The following TENM2 variants were observed in gnomAD, a reference collection of about 807,000 sequenced individuals.
The protein encoded by TENM2 is teneurin transmembrane protein 2, also known as teneurin-2.
In TENM2, 52 loss-of-function variants were observed where a neutral mutation model predicts 245.2. That is an observed-to-expected ratio of 0.21 (90% CI 0.17 to 0.27). The LOEUF is 0.27. Ranked by LOEUF, TENM2 falls within the 10% of genes least tolerant of loss-of-function variation. The probability of loss-of-function intolerance (pLI) is 1.00; values close to 1 mark genes in which losing one functional copy is unlikely to be tolerated. For missense variants in TENM2, 3,046 were observed against 3,666.8 expected (o/e 0.83, Z 4.37); for synonymous variants, 1,363 against 1,438.9 (o/e 0.95, Z 1.19).
At chr5:167,374,776 C>T in intron 1 of TENM2, among the ~76,000 whole-genome samples, 1 of 151,966 alleles carries the variant, frequency 6.6e-6, no homozygotes, top group East Asian at 1.9e-4. Flanking sequence ...GTTTCCTCAT[C>T]TACAAAAGGA....
At position 167,350,900 on chromosome 5, in the gene TENM2, T is replaced by C. The variant is rs550759652; in HGVS notation, c.227-24298T>C. Among the ~76,000 whole-genome samples the C allele has an allele frequency of 6.0e-5, 5 of 83,702 alleles. 2 individuals are homozygous for C. The highest frequency in any genetic ancestry group is 1.9e-4 in the African/African-American group (5 of 26,516). 54.9% of individuals were successfully genotyped at this position (83,702 alleles called of 152,430 possible). On this transcript the variant is annotated intron_variant, in intron 1 of 28. Coordinates refer to ENST00000518659, the Ensembl canonical transcript of TENM2. The stretch of plus-strand genomic sequence containing the variant: ...TATATATATATGGGATGTATACATA[T>C]GGATATATATATGGGATATATACAT...
intron 24 of TENM2, 89 bp from the exon 27 acceptor site, chr5:168,227,806 A>G: frequency 1.2e-6 from 1 of 853,040 alleles, no homozygotes; most frequent in South Asian, 2.0e-5. Context: ...ATGGAAACCT[A>G]TTAAAAAAAA....
intron 2 of TENM2, among the ~76,000 whole-genome samples, chr5:167,655,225 C>G (rs1311262749): frequency 2.0e-5 from 3 of 152,056 alleles, no homozygotes; most frequent in Admixed American, 6.6e-5. Context: ...AGACAGGAAG[C>G]AAGACAGCTC....
chr5:168,103,634 C>T (rs1180453834), intron 9 of TENM2, among the ~76,000 whole-genome samples: 1 of 152,174 alleles, frequency 6.6e-6, no homozygotes, highest in African/African-American at 2.4e-5. Flanking sequence ...ATGCCCTCCT[C>T]AGTGCATTAC....
At chr5:167,901,326 T>C (rs1775689542) in intron 3 of TENM2, among the ~76,000 whole-genome samples, 1 of 152,220 alleles carries the variant, frequency 6.6e-6, no homozygotes, top group African/African-American at 2.4e-5. Flanking sequence ...TATTTATGAT[T>C]TGTGGTATAG....
At chr5:166,992,196 A>T in the TENM2 span, among the ~76,000 whole-genome samples, 1 of 152,300 alleles carries the variant, frequency 6.6e-6, no homozygotes, top group South Asian at 2.1e-4. Flanking sequence ...ACCTCAATTC[A>T]CAAGAGAGAC....
the TENM2 span, among the ~76,000 whole-genome samples, chr5:167,151,224 T>C: frequency 5.6e-3 from 853 of 152,242 alleles, 16 homozygotes; most frequent in Non-Finnish European, 4.6e-3. Flanking sequence ...GGAAAAACAG[T>C]GGAATTGATG....
At chr5:167,744,151 T>C (rs1761396734) in intron 2 of TENM2, among the ~76,000 whole-genome samples, 1 of 152,178 alleles carries the variant, frequency 6.6e-6, no homozygotes, top group Admixed American at 6.5e-5. Flanking sequence ...AAATTCATGG[T>C]GATTATCCTG....
At chr5:167,157,145 A>G in the TENM2 span, among the ~76,000 whole-genome samples, 1 of 152,168 alleles carries the variant, frequency 6.6e-6, no homozygotes, top group Non-Finnish European at 1.5e-5. Context: ...AAAATATCTT[A>G]TATAGTAGCC....
intron 2 of TENM2, among the ~76,000 whole-genome samples, chr5:167,452,931 T>TTTTATATATATA (rs1264260420): frequency 1.4e-3 from 7 of 4,880 alleles, no homozygotes; most frequent in African/African-American, 1.8e-3. Flanking sequence ...AAAGTATGAT[T>TTTTATATATATA]TATATATATA....
chr5:168,231,936 A>C (rs1764960835), intron 25 of TENM2, among the ~76,000 whole-genome samples: 1 of 151,826 alleles, frequency 6.6e-6, no homozygotes, highest in African/African-American at 2.4e-5. Flanking sequence ...TCATGGTGGC[A>C]CATGCCTGTA....
At chr5:168,226,214 T>G (rs761436044) in exon 24 of TENM2, 1 of 1,613,426 alleles carries the variant, frequency 6.2e-7, no homozygotes, top group Non-Finnish European at 8.5e-7. Context: ...ATGACGTCAC[T>G]GTCATCACCA....
chr5:167,399,151 G>A (rs1762234040), intron 2 of TENM2, among the ~76,000 whole-genome samples: 1 of 152,146 alleles, frequency 6.6e-6, no homozygotes, highest in African/African-American at 2.4e-5. Flanking sequence ...ATTCTAGAAG[G>A]TGATTTCATT....
chr5:167,486,746 C>T (rs1768100069), intron 2 of TENM2, among the ~76,000 whole-genome samples: 2 of 152,122 alleles, frequency 1.3e-5, no homozygotes, highest in East Asian at 1.9e-4. Context: ...TACTCAACTA[C>T]TGCATGGCAT....
the TENM2 span, among the ~76,000 whole-genome samples, chr5:167,084,870 GA>G: frequency 3.3e-5 from 5 of 152,016 alleles, no homozygotes; most frequent in Admixed American, 2.0e-4. Context: ...ATACTCCAGG[GA>G]AAAAAATACT....
intron 12 of TENM2, among the ~76,000 whole-genome samples, chr5:168,150,253 A>G (rs193053691): frequency 1.3e-5 from 2 of 152,260 alleles, no homozygotes; most frequent in Non-Finnish European, 1.5e-5. Context: ...AATGAATGAA[A>G]GAATAAACTC....
the TENM2 span, among the ~76,000 whole-genome samples, chr5:167,209,538 G>A: frequency 3.3e-5 from 5 of 152,152 alleles, no homozygotes; most frequent in East Asian, 9.6e-4. Context: ...ACAGGTTTGA[G>A]CCACCACACC....
intron 5 of TENM2, among the ~76,000 whole-genome samples, chr5:167,997,123 A>G (rs1424957868): frequency 1.3e-5 from 2 of 152,204 alleles, no homozygotes; most frequent in Non-Finnish European, 2.9e-5. Context: ...TAAAATCTGC[A>G]TATTACAATC....
intron 1 of TENM2, among the ~76,000 whole-genome samples, chr5:167,308,485 C>T (rs954899592): frequency 2.0e-5 from 3 of 152,138 alleles, no homozygotes; most frequent in South Asian, 2.1e-4. Flanking sequence ...ATTAGAAAAT[C>T]GTCTTGTGCT....
Sources: allele counts gnomAD v4.1 joint callset (sites outside exome capture counted in the v4.1 genomes callset), GRCh38; gene constraint gnomAD v4.1.1; transcripts MANE v1.5; gene names NCBI Gene and HGNC (gene_info 2026-07-23, HGNC 2026-07-21).